MTO1: variants seen among roughly 807,000 people sequenced by gnomAD.
The protein encoded by MTO1 is 5-taurinomethyluridine-[tRNA] synthase subunit MTO1, mitochondrial.
MTO1 carries 46 observed loss-of-function variants against 71.6 expected under a neutral mutation model. The observed-to-expected ratio is 0.64, with a 90% CI of 0.51 to 0.82. MTO1 has a LOEUF of 0.82. MTO1 is among the 40% of genes least tolerant of loss of function. The pLI, the probability that MTO1 is intolerant of heterozygous loss-of-function variation, is 0.00. For synonymous variants in MTO1, 297 were observed against 312.1 expected, an observed-to-expected ratio of 0.95 and a Z score of 0.51; for missense variants, 773 against 867.5, an observed-to-expected ratio of 0.89 and a Z score of 1.37.
At chr6:73,481,406 AG>A (rs1771487937) in intron 7 of MTO1, among the ~76,000 whole-genome samples, 1 of 152,004 alleles carries the variant, frequency 6.6e-6, no homozygotes, top group African/African-American at 2.4e-5. Context: ...CTTGTAAGTC[AG>A]AAATTATTTT....
rs188348482 is a variant in MTO1, at chr6:73,483,344, G to A, written c.1637+724G>A. ...GAATCACTTGAACCTAGGAGGCAGAGGTTGCAGTGAGCCAAGATCACGCCT... is the reference window on the plus strand; with the variant it reads ...GAATCACTTGAACCTAGGAGGCAGAAGTTGCAGTGAGCCAAGATCACGCCT... On this transcript the variant is annotated intron_variant, in intron 9 of 11. Transcript: ENST00000498286. 5.9e-3 allele frequency among the ~76,000 whole-genome samples: 899 copies of A among 152,074 alleles called. 7 individuals are homozygous for A. Among genetic ancestry groups the A allele is most frequent in the Admixed American group, 0.013 (195 of 15,254 alleles).
In MTO1 at chr6:73,466,571, A is replaced by T. The variant is rs1771003167; in HGVS notation, c.500A>T (p.His167Leu). 6.2e-7 allele frequency: 1 copy of T among 1,614,064 alleles called. No individual in the cohort carries two copies. Among genetic ancestry groups the T allele is most frequent in the South Asian group, 1.1e-5 (1 of 91,094 alleles). ...ATTCTTACAGAACCAGAGCCTGAAC[A>T]CACTGGGAAATGCCGTGTCAGTGGG... is the stretch of plus-strand genomic sequence containing the variant. Reference protein sequence around the residue: ...DLILTEPEPEHTGKCRVSGVV... With the variant: ...DLILTEPEPELTGKCRVSGVV... Residue 167 changes from histidine to leucine, a missense_variant, in exon 3 of 12, where the codon CAC becomes CTC. Transcript: ENST00000498286.
intron 1 of MTO1, 52 bp from the exon 2 acceptor site, chr6:73,466,157 A>G: frequency 7.0e-7 from 1 of 1,428,840 alleles, no homozygotes; most frequent in Middle Eastern, 1.8e-4. Flanking sequence ...TTAAGTAGTC[A>G]CTATGTGCAA....
At chr6:73,499,097 T>G (rs372716675) in intron 11 of MTO1, among the ~76,000 whole-genome samples, 5 of 152,202 alleles carry the variant, frequency 3.3e-5, no homozygotes, top group African/African-American at 1.2e-4. Context: ...TTTAGTAGTG[T>G]TTCATAAAAT....
In MTO1 at chr6:73,461,862, A is replaced by C. The variant is rs769183932; in HGVS notation, c.8A>C (p.Tyr3Ser). 3 of 1,612,904 alleles carry C rather than the reference A, an allele frequency of 1.9e-6. No homozygotes were observed. In the South Asian group the frequency reaches 3.3e-5, roughly 18 times the overall value. MF[Y>S]FRGCGRWVAV... is the part of the protein sequence containing the mutation. ...ATAGATTTTTCTCCCAGCATGTTCT[A>C]CTTCCGAGGCTGTGGCCGTTGGGTC... The change falls in exon 1 of 12, where the codon TAC (tyrosine) becomes TCC (serine). Residue 3 changes from tyrosine (Y) to serine (S), a missense_variant. Tyr to Ser is a moderately radical substitution (Grantham distance 144). Transcript: ENST00000498286.
intron 9 of MTO1, chr6:73,486,692 C>G: frequency 5.6e-6 from 2 of 355,226 alleles, no homozygotes; most frequent in South Asian, 4.1e-5. Flanking sequence ...GAGCCGAGAT[C>G]AAGCCATTGC....
Position 73,507,502 on chromosome 6 carries a change from G to T in MTO1, c.*6767G>T, listed in dbSNP as rs1392578450. 1.3e-5 allele frequency: 2 copies of T among 152,178 alleles called. No individual in the cohort carries two copies. Among genetic ancestry groups the T allele is most frequent in the African/African-American group, 4.8e-5 (2 of 41,448 alleles). 9.4% of individuals were successfully genotyped at this position (152,178 alleles called of 1,614,324 possible). A position where few individuals can be genotyped will look rare whatever the true frequency, so the allele number is the denominator to read the frequency against. On this transcript the variant is annotated 3_prime_UTR_variant, in exon 12 of 12. Transcript: ENST00000498286. The stretch of plus-strand genomic sequence containing the variant: ...GTTTTTAAAAACTTAAAGTCTTACT[G>T]ATCTCTTCCTATGCTCCAATTTTAT...
intron 4 of MTO1, among the ~76,000 whole-genome samples, chr6:73,477,222 C>T (rs1344851502): frequency 6.6e-6 from 1 of 151,060 alleles, no homozygotes; most frequent in African/African-American, 2.4e-5. Context: ...ATGGTGAAAC[C>T]TCACCTCTAC....
intron 1 of MTO1, among the ~76,000 whole-genome samples, chr6:73,463,667 G>A (rs1328004792): frequency 6.6e-6 from 1 of 152,106 alleles, no homozygotes; most frequent in Non-Finnish European, 1.5e-5. Context: ...TTTTGTGGGT[G>A]GGGGAGAGGA....
chr6:73,497,310 G>T (rs942493491), intron 10 of MTO1, among the ~76,000 whole-genome samples: 1 of 151,250 alleles, frequency 6.6e-6, no homozygotes, highest in Non-Finnish European at 1.5e-5. Flanking sequence ...ATGCCACCAC[G>T]CCTGGCTAAT....
chr6:73,495,481 T>A (rs926362570), intron 10 of MTO1, among the ~76,000 whole-genome samples: 1 of 152,144 alleles, frequency 6.6e-6, no homozygotes, highest in Non-Finnish European at 1.5e-5. Flanking sequence ...AAGCCCTGAC[T>A]TCAAACATTG....
chr6:73,462,872 A>C (rs1382666651), intron 1 of MTO1, among the ~76,000 whole-genome samples: 1 of 152,238 alleles, frequency 6.6e-6, no homozygotes, highest in East Asian at 1.9e-4. Flanking sequence ...CGATCGTTGC[A>C]CATTACAGGC....
intron 4 of MTO1, among the ~76,000 whole-genome samples, chr6:73,477,463 A>G (rs1771358688): frequency 6.6e-6 from 1 of 151,098 alleles, no homozygotes; most frequent in Non-Finnish European, 1.5e-5. Context: ...TCTAACATAA[A>G]GTCCGTAGTC....
At chr6:73,478,547 T>G (rs1193184815) in intron 4 of MTO1, among the ~76,000 whole-genome samples, 2 of 152,164 alleles carry the variant, frequency 1.3e-5, no homozygotes, top group Admixed American at 6.6e-5. Context: ...TGATAACCCT[T>G]TCTTCTTTTT....
intron 9 of MTO1, among the ~76,000 whole-genome samples, chr6:73,487,116 T>C (rs960644628): frequency 1.3e-5 from 2 of 152,154 alleles, no homozygotes; most frequent in African/African-American, 4.8e-5. Context: ...TTTCACCTTA[T>C]TGTAAATGTA....
chr6:73,495,969 G>A (rs1214459322), intron 10 of MTO1, among the ~76,000 whole-genome samples: 1 of 152,204 alleles, frequency 6.6e-6, no homozygotes, highest in Non-Finnish European at 1.5e-5. Flanking sequence ...AGATCACACA[G>A]TTGGTGAGTG....
chr6:73,468,801 T>TATTA (rs1199474524), intron 3 of MTO1, among the ~76,000 whole-genome samples: 1 of 151,560 alleles, frequency 6.6e-6, no homozygotes, highest in East Asian at 2.0e-4. Context: ...GGAGACAGGG[T>TATTA]TTTACCATGT....
rs767440672 is a variant in MTO1, at chr6:73,466,572, C to A, written c.501C>A (p.His167Gln). Residue 167 changes from histidine (H) to glutamine (Q), a missense_variant, in exon 3 of 12, where the codon CAC (histidine) becomes CAA (glutamine). Transcript: ENST00000498286. ...DLILTEPEPEHTGKCRVSGVV... is the reference protein window; with the variant it reads ...DLILTEPEPEQTGKCRVSGVV... ...TTCTTACAGAACCAGAGCCTGAACA[C>A]ACTGGGAAATGCCGTGTCAGTGGGG... The A allele has an allele frequency of 6.2e-7, 1 of 1,614,132 alleles. No individual in the cohort carries two copies. The highest frequency in any genetic ancestry group is 1.1e-5 in the South Asian group (1 of 91,084).
At chr6:73,480,501 C>T (rs1771457525) in intron 6 of MTO1, 174 bp from the exon 7 acceptor site, 1 of 718,034 alleles carries the variant, frequency 1.4e-6, no homozygotes, top group Middle Eastern at 3.8e-4. Flanking sequence ...AACTCCCGAC[C>T]TCAGGTGATC....
Sources: allele counts gnomAD v4.1 joint callset (sites outside exome capture counted in the v4.1 genomes callset), GRCh38; gene constraint gnomAD v4.1.1; transcripts MANE v1.5; gene names NCBI Gene and HGNC (gene_info 2026-07-23, HGNC 2026-07-21).